TMCO5A: variants seen among roughly 807,000 people sequenced by gnomAD.
The protein encoded by TMCO5A is transmembrane and coiled-coil domains 5A, also known as transmembrane and coiled-coil domain-containing protein 5A.
A neutral mutation model predicts 42.3 loss-of-function variants in TMCO5A; 34 were observed. The observed-to-expected ratio is 0.80, with a 90% CI of 0.61 to 1.07. The LOEUF is 1.07. Among genes scored for constraint, TMCO5A ranks in the 50% least tolerant of loss-of-function variants. TMCO5A has a pLI of 0.00. For missense variants in TMCO5A, 357 were observed against 327.9 expected, an observed-to-expected ratio of 1.09 and a Z score of -0.69; for synonymous variants, 131 against 115.6, an observed-to-expected ratio of 1.13 and a Z score of -0.86.
At chr15:37,978,368 G>C in the TMCO5A span, among the ~76,000 whole-genome samples, 109 of 152,318 alleles carry the variant, frequency 7.2e-4, no homozygotes, top group Middle Eastern at 6.8e-3. Context: ...CTCAGAGCTC[G>C]GTCCTAGGGA....
At chr15:37,956,211 C>G (rs891735636), downstream of TMCO5A, among the ~76,000 whole-genome samples, 1 of 152,084 alleles carries the variant, frequency 6.6e-6, no homozygotes, top group African/African-American at 2.4e-5. Context: ...CAAACAAATT[C>G]AAAAGCTAGC....
downstream of TMCO5A, among the ~76,000 whole-genome samples, chr15:37,952,724 G>A (rs529662137): frequency 6.6e-6 from 1 of 152,262 alleles, no homozygotes; most frequent in East Asian, 1.9e-4. Context: ...CTTCCAGCTT[G>A]GTCACAGTGA....
intron 2 of TMCO5A, 86 bp from the exon 3 acceptor site, chr15:37,936,228 G>A (rs1041442819): frequency 2.1e-6 from 3 of 1,452,702 alleles, no homozygotes; most frequent in Non-Finnish European, 2.8e-6. Context: ...TAATAAACTA[G>A]ATGTGTTCTA....
the TMCO5A span, chr15:37,984,681 C>CTTTTTTTT: frequency 4.1e-3 from 170 of 41,892 alleles, 7 homozygotes; most frequent in Non-Finnish European, 4.5e-3. Flanking sequence ...GAACATTTGT[C>CTTTTTTTT]TTTTTTTTTT....
the TMCO5A span, among the ~76,000 whole-genome samples, chr15:37,985,694 A>G: frequency 7.2e-4 from 109 of 152,290 alleles, no homozygotes; most frequent in African/African-American, 2.6e-3. Context: ...TTAATTCATT[A>G]TCTGCATCTG....
At chr15:37,998,858 C>A in the TMCO5A span, among the ~76,000 whole-genome samples, 1 of 151,946 alleles carries the variant, frequency 6.6e-6, no homozygotes, top group African/African-American at 2.4e-5. Context: ...TTTGTTGTGT[C>A]CTCTTCAATT....
chr15:37,984,149 G>A, the TMCO5A span, among the ~76,000 whole-genome samples: 23 of 152,252 alleles, frequency 1.5e-4, no homozygotes, highest in South Asian at 2.7e-3. Flanking sequence ...AAGTAAGGGG[G>A]GCAGGGTAGA....
At chr15:38,002,547 T>A in the TMCO5A span, among the ~76,000 whole-genome samples, 1 of 152,134 alleles carries the variant, frequency 6.6e-6, no homozygotes, top group African/African-American at 2.4e-5. Context: ...ATTCTTTTTT[T>A]TCTTTTGTCT....
chr15:37,960,494 G>A (rs145103038), intron 11 of TMCO5A, among the ~76,000 whole-genome samples: 2,138 of 152,146 alleles, frequency 0.014, 60 homozygotes, highest in African/African-American at 0.049. Flanking sequence ...CTATAAACAT[G>A]AGTGTGCAAA....
chr15:37,978,552 C>T, the TMCO5A span, among the ~76,000 whole-genome samples: 2 of 152,068 alleles, frequency 1.3e-5, no homozygotes, highest in Middle Eastern at 3.2e-3. Flanking sequence ...AGCAATGTGA[C>T]CAGGCCCTTT....
chr15:37,982,830 GTA>G, the TMCO5A span, among the ~76,000 whole-genome samples: 1 of 147,614 alleles, frequency 6.8e-6, no homozygotes. Context: ...ATATGTGTGT[GTA>G]TATATATATT....
chr15:38,004,908 G>GT, the TMCO5A span: 1 of 152,052 alleles, frequency 6.6e-6, no homozygotes, highest in Non-Finnish European at 1.5e-5. Flanking sequence ...TTGTTCCTCT[G>GT]GGGGGGTGTA....
chr15:37,972,495 T>A (rs928131589), downstream of TMCO5A, among the ~76,000 whole-genome samples: 1 of 152,220 alleles, frequency 6.6e-6, no homozygotes, highest in Non-Finnish European at 1.5e-5. Context: ...TGTGAGATGT[T>A]ATCTCCTTGT....
chr15:37,975,011 T>C, the TMCO5A span, among the ~76,000 whole-genome samples: 27 of 152,292 alleles, frequency 1.8e-4, no homozygotes, highest in African/African-American at 6.5e-4. Context: ...AAAAGTTACT[T>C]AGGAGCAGGT....
chr15:38,027,984 T>C, the TMCO5A span, among the ~76,000 whole-genome samples: 9 of 152,224 alleles, frequency 5.9e-5, no homozygotes, highest in African/African-American at 2.2e-4. Context: ...ATCTTGGGTA[T>C]GTCTTTATTA....
At chr15:37,987,874 A>C in the TMCO5A span, among the ~76,000 whole-genome samples, 1 of 151,920 alleles carries the variant, frequency 6.6e-6, no homozygotes, top group South Asian at 2.1e-4. Context: ...TTTTAGGATA[A>C]ACTTTTCTAT....
At chr15:37,989,672 G>C in the TMCO5A span, among the ~76,000 whole-genome samples, 4 of 151,924 alleles carry the variant, frequency 2.6e-5, no homozygotes, top group Non-Finnish European at 5.9e-5. Context: ...TAATACATTT[G>C]TGCTGCTATA....
At chr15:37,988,839 A>C in the TMCO5A span, among the ~76,000 whole-genome samples, 2 of 152,012 alleles carry the variant, frequency 1.3e-5, no homozygotes, top group African/African-American at 4.8e-5. Flanking sequence ...TGGCTTTTGT[A>C]TCAGGACAAT....
the TMCO5A span, among the ~76,000 whole-genome samples, chr15:38,023,118 G>T: frequency 3.3e-5 from 5 of 152,030 alleles, no homozygotes; most frequent in African/African-American, 1.2e-4. Context: ...AAAAATTTGG[G>T]AAACAAAATT....
Sources: allele counts gnomAD v4.1 joint callset (sites outside exome capture counted in the v4.1 genomes callset), GRCh38; gene constraint gnomAD v4.1.1; transcripts MANE v1.5; gene names NCBI Gene and HGNC (gene_info 2026-07-23, HGNC 2026-07-21).